FEZ2: variants seen among roughly 807,000 people sequenced by gnomAD.
FEZ2 encodes the protein fasciculation and elongation protein zeta-2.
A neutral mutation model predicts 40.4 loss-of-function variants in FEZ2; 51 were observed. That is an observed-to-expected ratio of 1.26 (90% CI 1.01 to 1.59). The LOEUF (loss-of-function observed/expected upper bound fraction) is 1.59. FEZ2 is among the 40% of genes most tolerant of loss of function. The probability of loss-of-function intolerance (pLI) is 0.00; values close to 1 mark genes in which losing one functional copy is unlikely to be tolerated. For synonymous variants in FEZ2, 242 were observed against 172.0 expected, an observed-to-expected ratio of 1.41 and a Z score of -3.18; for missense variants, 640 against 438.3, an observed-to-expected ratio of 1.46 and a Z score of -4.11.
intron 4 of FEZ2, among the ~76,000 whole-genome samples, chr2:36,580,936 G>A (rs1431746297): frequency 6.6e-6 from 1 of 152,190 alleles, no homozygotes; most frequent in Non-Finnish European, 1.5e-5. Flanking sequence ...GGCGGATCAT[G>A]AGGTCAGGAG....
chr2:36,560,940 A>G (rs1324766156), intron 5 of FEZ2: 7 of 844,472 alleles, frequency 8.3e-6, no homozygotes, highest in Non-Finnish European at 1.3e-5. Flanking sequence ...AGAATGTACC[A>G]TGATGACTTA....
At chr2:36,571,735 G>A (rs1280081173) in intron 5 of FEZ2, among the ~76,000 whole-genome samples, 3 of 151,840 alleles carry the variant, frequency 2.0e-5, no homozygotes, top group Non-Finnish European at 4.4e-5. Flanking sequence ...GCTGGGCACT[G>A]TGGCTCACTC....
rs1371740863 is a variant in FEZ2, at chr2:36,578,740, C to T, written c.760G>A (p.Glu254Lys). 6.2e-7 allele frequency: 1 copy of T among 1,613,964 alleles called. No individual in the cohort carries two copies. The highest frequency in any genetic ancestry group is 8.5e-7 in the Non-Finnish European group (1 of 1,179,896). Residue 254 changes from glutamate to lysine, a missense_variant, in exon 5 of 8, where the codon GAA (glutamate) becomes AAA (lysine). Glu to Lys is a moderately conservative substitution (Grantham distance 56). Coordinates refer to ENST00000405912, the MANE Select transcript of FEZ2 (RefSeq NM_005102.3). The part of the protein sequence containing the change: ...ALRDELEFEK[E>K]VKNSFISVLI... ...ACAGAAATAAAGCTGTTTTTCACTT[C>T]CTTTTCAAACTCCAGTTCATCTCGT...
rs1265426466 is a variant in FEZ2 at position 36,563,970 on chromosome 2, T to C, written c.904-5457A>G. ...TCCCTAGGATCTTGTGCCTCTTTCT[T>C]GACTCACCTCTCAGATGCTGCTGTG... On this transcript the variant is annotated intron_variant, in intron 5 of 7. Coordinates refer to ENST00000405912, the MANE Select transcript of FEZ2 (RefSeq NM_005102.3). 2.6e-5 allele frequency among the ~76,000 whole-genome samples: 4 copies of C among 152,356 alleles called. No homozygotes were observed. In the East Asian group the frequency reaches 7.7e-4, roughly 29 times the overall value.
In FEZ2 at chr2:36,578,684, CTCTT is replaced by C. The variant is rs748008681; in HGVS notation, c.812_815del (p.Lys271SerfsTer12). On this transcript the variant is annotated frameshift_variant, in exon 5 of 8. Transcript: ENST00000405912. LOFTEE classifies it high-confidence loss of function. The stretch of plus-strand genomic sequence containing the variant: ...TTTTCTTTTTTGCTGTTTCTTTGTG[CTCTT>C]TCTGTTTGTTTTGCACTTCAATAAG... 36 of 1,613,834 alleles carry C rather than the reference CTCTT, an allele frequency of 2.2e-5. No individual in the cohort carries two copies. Among genetic ancestry groups the C allele is most frequent in the East Asian group, 1.1e-4 (5 of 44,892 alleles).
intron 5 of FEZ2, among the ~76,000 whole-genome samples, chr2:36,560,241 ATAAT>A (rs1209552297): frequency 6.6e-6 from 1 of 152,224 alleles, no homozygotes; most frequent in Non-Finnish European, 1.5e-5. Context: ...TTTTGTATAA[ATAAT>A]GTCGCATGCC....
intron 7 of FEZ2, among the ~76,000 whole-genome samples, chr2:36,554,010 A>C: frequency 6.6e-6 from 1 of 151,958 alleles, no homozygotes; most frequent in Non-Finnish European, 1.5e-5. Context: ...TCCACATTGC[A>C]CTCCCGTCTT....
chr2:36,555,698 C>A lies in FEZ2; in HGVS notation c.1030G>T (p.Asp344Tyr). ...DSEKVPSLLT[D>Y]YILKVLCPT Reference sequence around the variant, plus strand: ...TAAAACTCACCTTTCAGAATATAATCAGTTAACAAGCTCGGAACTTTTTCA... The same window carrying A: ...TAAAACTCACCTTTCAGAATATAATAAGTTAACAAGCTCGGAACTTTTTCA... Residue 344 changes from aspartate (D) to tyrosine (Y), a missense_variant, in exon 7 of 8, where the codon GAT becomes TAT. By Grantham distance (160) the Asp-to-Tyr change is radical (BLOSUM62 -3). Coordinates refer to ENST00000405912, the MANE Select transcript of FEZ2 (RefSeq NM_005102.3). 1 of 1,594,104 alleles carries A rather than the reference C, an allele frequency of 6.3e-7. No homozygotes were observed. Among genetic ancestry groups the A allele is most frequent in the South Asian group, 1.1e-5 (1 of 88,072 alleles).
At chr2:36,592,422 A>G (rs1422913538) in intron 1 of FEZ2, among the ~76,000 whole-genome samples, 1 of 152,176 alleles carries the variant, frequency 6.6e-6, no homozygotes, top group Non-Finnish European at 1.5e-5. Context: ...CAGACATAAC[A>G]TAGTTAACAA....
chr2:36,576,269 C>CT (rs1268435394), intron 5 of FEZ2, among the ~76,000 whole-genome samples: 1 of 110,520 alleles, frequency 9.0e-6, no homozygotes, highest in East Asian at 4.0e-4. Context: ...GCATTTTAGG[C>CT]TTTTTATTTT....
chr2:36,597,422 A>G (rs538412713), intron 1 of FEZ2, among the ~76,000 whole-genome samples: 1 of 152,092 alleles, frequency 6.6e-6, no homozygotes, highest in Non-Finnish European at 1.5e-5. Flanking sequence ...TCTATCTCCC[A>G]TCCTACGTTG....
chr2:36,571,283 C>T (rs766332041), intron 5 of FEZ2, among the ~76,000 whole-genome samples: 5 of 152,164 alleles, frequency 3.3e-5, no homozygotes, highest in Non-Finnish European at 7.4e-5. Context: ...TTAGTAAATG[C>T]TTTGCACTAA....
At chr2:36,573,567 T>C (rs1288337766) in intron 5 of FEZ2, among the ~76,000 whole-genome samples, 1 of 152,236 alleles carries the variant, frequency 6.6e-6, no homozygotes, top group Non-Finnish European at 1.5e-5. Context: ...CAAACATGCA[T>C]TAAGTGATGT....
chr2:36,565,892 C>G (rs957772569), intron 5 of FEZ2, among the ~76,000 whole-genome samples: 1 of 152,158 alleles, frequency 6.6e-6, no homozygotes, highest in Non-Finnish European at 1.5e-5. Flanking sequence ...CCCCACCCTG[C>G]CCAGTTGTGA....
At chr2:36,566,060 T>G (rs972854174) in intron 5 of FEZ2, among the ~76,000 whole-genome samples, 3 of 152,156 alleles carry the variant, frequency 2.0e-5, no homozygotes, top group African/African-American at 7.2e-5. Flanking sequence ...TCTACATCCT[T>G]AACACCCATG....
intron 7 of FEZ2, chr2:36,554,226 T>C (rs1667896465): frequency 2.1e-6 from 1 of 471,116 alleles, no homozygotes; most frequent in African/African-American, 2.0e-5. Flanking sequence ...GCTGCTTCCC[T>C]AAGGCATGCG....
At chr2:36,562,321 A>T (rs1176088976) in intron 5 of FEZ2, among the ~76,000 whole-genome samples, 1 of 152,208 alleles carries the variant, frequency 6.6e-6, no homozygotes, top group Non-Finnish European at 1.5e-5. Context: ...GGTCCTTGAT[A>T]AATTTTAAGA....
intron 5 of FEZ2, among the ~76,000 whole-genome samples, chr2:36,566,194 G>A (rs1172336925): frequency 6.6e-6 from 1 of 152,034 alleles, no homozygotes; most frequent in African/African-American, 2.4e-5. Flanking sequence ...CAAAAAATTC[G>A]CCAGGCACGG....
At position 36,597,904 on chromosome 2, in the gene FEZ2, G is replaced by C. The variant is rs1279075901; in HGVS notation, c.239C>G (p.Thr80Arg). 3 of 1,407,658 alleles carry C rather than the reference G, an allele frequency of 2.1e-6. No individual in the cohort carries two copies. Among genetic ancestry groups the C allele is most frequent in the Non-Finnish European group, 2.8e-6 (3 of 1,088,694 alleles). 87.2% of individuals were successfully genotyped at this position (1,407,658 alleles called of 1,614,324 possible). A position where few individuals can be genotyped will look rare whatever the true frequency, so the allele number is the denominator to read the frequency against. Residue 80 changes from threonine to arginine, a missense_variant, in exon 1 of 8, where the codon ACG (threonine) becomes AGG (arginine). Coordinates refer to ENST00000405912, the MANE Select transcript of FEZ2 (RefSeq NM_005102.3). Reference sequence around the variant, plus strand: ...GTCCCCCTGCAGGAGGCTGCGCTCCGTGATGGGCCGCACGGCCGTCCTCGG... The same window carrying C: ...GTCCCCCTGCAGGAGGCTGCGCTCCCTGATGGGCCGCACGGCCGTCCTCGG... Reference protein sequence around the residue: ...EPPRTAVRPITERSLLQGDEI... With the variant: ...EPPRTAVRPIRERSLLQGDEI...
Sources: gnomAD v4.1 joint callset for allele counts (sites outside exome capture counted in the v4.1 genomes callset) on GRCh38, gnomAD v4.1.1 for gene constraint, MANE v1.5 for transcripts, NCBI Gene and HGNC (gene_info 2026-07-23, HGNC 2026-07-21) for gene names.